Variants in LAMA2 observed in about 807,000 individuals in gnomAD.
LAMA2 encodes the protein laminin subunit alpha 2, also known as laminin subunit alpha-2.
A neutral mutation model predicts 364.8 loss-of-function variants in LAMA2; 269 were observed. The ratio of observed to expected loss-of-function variants is 0.74; its 90% confidence interval spans 0.67 to 0.82. LAMA2 has a LOEUF of 0.82. Ranked by LOEUF, LAMA2 falls within the 40% of genes least tolerant of loss-of-function variation. The pLI, the probability that LAMA2 is intolerant of heterozygous loss-of-function variation, is 0.00. For missense variants in LAMA2, 3,807 were observed against 3,873.2 expected, an observed-to-expected ratio of 0.98 and a Z score of 0.45; for synonymous variants, 1,379 against 1,370.6, an observed-to-expected ratio of 1.01 and a Z score of -0.14.
chr6:129,250,815 T>A (rs572572733), intron 13 of LAMA2, among the ~76,000 whole-genome samples: 35 of 152,198 alleles, frequency 2.3e-4, no homozygotes, highest in Non-Finnish European at 2.2e-4. Flanking sequence ...TTGACACTGA[T>A]ACGTATTCAG....
At chr6:129,072,394 CT>C (rs1415216771) in intron 3 of LAMA2, among the ~76,000 whole-genome samples, 3 of 151,900 alleles carry the variant, frequency 2.0e-5, no homozygotes, top group Non-Finnish European at 4.4e-5. Context: ...CACTAGCTTC[CT>C]TTTTTCTCTG....
At chr6:128,988,161 C>A (rs895775641) in intron 1 of LAMA2, among the ~76,000 whole-genome samples, 6 of 152,102 alleles carry the variant, frequency 3.9e-5, no homozygotes, top group African/African-American at 9.7e-5. Context: ...CCACTGTGCC[C>A]GGCCTAGCAT....
At chr6:129,059,948 T>G in intron 3 of LAMA2, 52 bp downstream of exon 3, 1 of 978,064 alleles carries the variant, frequency 1.0e-6, no homozygotes, top group Non-Finnish European at 1.7e-6. Flanking sequence ...CATTTTACAT[T>G]TGCTATTTGT....
At chr6:129,170,686 G>T (rs1780083062) in intron 9 of LAMA2, among the ~76,000 whole-genome samples, 1 of 152,048 alleles carries the variant, frequency 6.6e-6, no homozygotes, top group Non-Finnish European at 1.5e-5. Context: ...GGTCCGCTTG[G>T]TGCAGAGCTG....
chr6:129,258,662 G>A (rs144606143), intron 14 of LAMA2, among the ~76,000 whole-genome samples: 1 of 151,846 alleles, frequency 6.6e-6, no homozygotes, highest in African/African-American at 2.4e-5. Flanking sequence ...TTTTAAATAG[G>A]TTTGAAAATT....
At chr6:129,499,094 T>G (rs941600871) in intron 58 of LAMA2, among the ~76,000 whole-genome samples, 5 of 152,076 alleles carry the variant, frequency 3.3e-5, no homozygotes, top group Non-Finnish European at 7.4e-5. Context: ...CCAAGTCCTG[T>G]CTGCCTACAA....
intron 1 of LAMA2, among the ~76,000 whole-genome samples, chr6:128,947,276 A>G (rs1004049110): frequency 6.6e-6 from 1 of 152,214 alleles, no homozygotes; most frequent in African/African-American, 2.4e-5. Flanking sequence ...TTTATGCTTC[A>G]TTTGGATTTT....
rs528831744 is a variant in LAMA2, at chr6:128,916,115, G to A, written c.112+32758G>A. On this transcript the variant is annotated intron_variant, in intron 1 of 64. Coordinates refer to ENST00000421865, the MANE Select transcript of LAMA2 (RefSeq NM_000426.4). Reference sequence around the variant, plus strand: ...TCTTAATTGCTGCTAGTTCATCTCCGCCCATCTCCCTTGGTGATGATAGTC... The same window carrying A: ...TCTTAATTGCTGCTAGTTCATCTCCACCCATCTCCCTTGGTGATGATAGTC... 9.9e-5 allele frequency among the ~76,000 whole-genome samples: 15 copies of A among 151,916 alleles called. No homozygotes were observed. The South Asian group carries it at 1.0e-3, about 11-fold the overall frequency.
intron 8 of LAMA2, among the ~76,000 whole-genome samples, chr6:129,160,953 C>G (rs927880583): frequency 6.6e-6 from 1 of 152,022 alleles, no homozygotes; most frequent in African/African-American, 2.4e-5. Flanking sequence ...AGTGCATGGT[C>G]TCTCTTGGCA....
At chr6:129,379,614 T>G (rs546048875) in intron 34 of LAMA2, among the ~76,000 whole-genome samples, 3 of 152,092 alleles carry the variant, frequency 2.0e-5, no homozygotes, top group Non-Finnish European at 4.4e-5. Context: ...CTTCCTACCC[T>G]CTTCCTGCCC....
At chr6:129,500,495 G>A (rs1423729001) in intron 58 of LAMA2, among the ~76,000 whole-genome samples, 1 of 152,156 alleles carries the variant, frequency 6.6e-6, no homozygotes, top group East Asian at 1.9e-4. Flanking sequence ...CCTGCTTCTT[G>A]AGGGCTGCCC....
intron 20 of LAMA2, among the ~76,000 whole-genome samples, chr6:129,292,328 C>A (rs561686234): frequency 7.9e-5 from 12 of 152,182 alleles, no homozygotes; most frequent in African/African-American, 2.9e-4. Flanking sequence ...CCTGGGCGAC[C>A]GAGTGAGACT....
chr6:128,989,993 A>G (rs1783506482), intron 1 of LAMA2, among the ~76,000 whole-genome samples: 1 of 152,168 alleles, frequency 6.6e-6, no homozygotes, highest in African/African-American at 2.4e-5. Context: ...CACATTGGAG[A>G]TTAGGTTTCA....
intron 7 of LAMA2, among the ~76,000 whole-genome samples, chr6:129,151,479 G>A (rs1418106399): frequency 1.3e-5 from 2 of 152,136 alleles, no homozygotes; most frequent in African/African-American, 4.8e-5. Flanking sequence ...CTTGAGCCCA[G>A]GAGTTTGAGG....
chr6:129,200,886 T>A (rs1782244177), intron 12 of LAMA2, among the ~76,000 whole-genome samples: 1 of 152,098 alleles, frequency 6.6e-6, no homozygotes, highest in African/African-American at 2.4e-5. Context: ...AAAAATAAAA[T>A]TTCTGCATCC....
chr6:129,130,131 C>T (rs1777382746), intron 4 of LAMA2, among the ~76,000 whole-genome samples: 1 of 152,034 alleles, frequency 6.6e-6, no homozygotes, highest in African/African-American at 2.4e-5. Context: ...GGTGGATTAT[C>T]AGGAATAAAG....
intron 60 of LAMA2, among the ~76,000 whole-genome samples, chr6:129,503,850 C>G (rs894646842): frequency 6.6e-6 from 1 of 152,174 alleles, no homozygotes; most frequent in African/African-American, 2.4e-5. Context: ...TTTCTACTGA[C>G]AGTTATTTGG....
Position 129,402,912 on chromosome 6 carries a change from C to A in LAMA2, c.5726+425C>A, listed in dbSNP as rs140975151. Among the ~76,000 whole-genome samples, 36 of 152,162 alleles carry A rather than the reference C, an allele frequency of 2.4e-4. 1 individual carries two copies. The highest frequency in any genetic ancestry group is 2.1e-3 in the Admixed American group (32 of 15,268). On this transcript the variant is annotated intron_variant, in intron 39 of 64. Transcript: ENST00000421865. ...TGGCTTTTGAAAATTTGGCCCCATA[C>A]GTAGTCTTTAAGTCTTTTTTATTTT...
intron 9 of LAMA2, among the ~76,000 whole-genome samples, chr6:129,170,017 A>C (rs181387850): frequency 6.6e-6 from 1 of 151,490 alleles, no homozygotes; most frequent in East Asian, 1.9e-4. Context: ...TATCCCCTTT[A>C]TCATTTTTTA....
Sources: allele counts gnomAD v4.1 joint callset (sites outside exome capture counted in the v4.1 genomes callset), GRCh38; gene constraint gnomAD v4.1.1; transcripts MANE v1.5; gene names NCBI Gene and HGNC (gene_info 2026-07-23, HGNC 2026-07-21).